The following CPE variants were observed in gnomAD, a reference collection of about 807,000 sequenced individuals.
CPE encodes carboxypeptidase E, also known as carbocypeptidase E.
A neutral mutation model predicts 53.5 loss-of-function variants in CPE; 17 were observed. The observed-to-expected ratio is 0.32, with a 90% confidence interval of 0.22 to 0.48. CPE has a LOEUF of 0.48. Among genes scored for constraint, CPE ranks in the 20% least tolerant of loss-of-function variants. The probability of loss-of-function intolerance (pLI) is 0.99; values close to 1 mark genes in which losing one functional copy is unlikely to be tolerated. For synonymous variants in CPE, 226 were observed against 228.8 expected (o/e 0.99, Z 0.11); for missense variants, 524 against 614.7 (o/e 0.85, Z 1.56).
chr4:165,423,231 T>A (rs1462513224), intron 1 of CPE, among the ~76,000 whole-genome samples: 1 of 152,162 alleles, frequency 6.6e-6, no homozygotes, highest in African/African-American at 2.4e-5. Flanking sequence ...TTTTTTATCT[T>A]AGTAGCTATC....
At chr4:165,449,561 A>G (rs1731773621) in intron 1 of CPE, among the ~76,000 whole-genome samples, 1 of 152,142 alleles carries the variant, frequency 6.6e-6, no homozygotes, top group Admixed American at 6.6e-5. Flanking sequence ...TTGAAGAGAG[A>G]GTAACAGACC....
chr4:165,394,462 G>T (rs1730732312), intron 1 of CPE, among the ~76,000 whole-genome samples: 1 of 152,146 alleles, frequency 6.6e-6, no homozygotes, highest in Admixed American at 6.5e-5. Context: ...TCTGGGAAGG[G>T]TGTTGTGGTG....
intron 1 of CPE, among the ~76,000 whole-genome samples, chr4:165,403,273 C>G (rs1035220415): frequency 3.9e-5 from 6 of 151,944 alleles, no homozygotes; most frequent in Non-Finnish European, 5.9e-5. Flanking sequence ...TCATTGAAAC[C>G]AGGAAAGGCT....
chr4:165,479,835 C>CA (rs1442371733), intron 3 of CPE, among the ~76,000 whole-genome samples: 3 of 151,638 alleles, frequency 2.0e-5, no homozygotes, highest in African/African-American at 4.8e-5. Context: ...ACTAAAAATA[C>CA]AAAAAAATTA....
intron 1 of CPE, chr4:165,405,374 A>G (rs1730936376): frequency 1.1e-5 from 14 of 1,295,612 alleles, no homozygotes; most frequent in Non-Finnish European, 1.5e-5. Flanking sequence ...GGTCATTGCA[A>G]GCTCTCCGAA....
In CPE at chr4:165,495,657, C is replaced by A; in HGVS notation, c.1312C>A (p.Pro438Thr). The A allele has an allele frequency of 6.2e-7, 1 of 1,610,080 alleles. No homozygotes were observed. The highest frequency in any genetic ancestry group is 8.5e-7 in the Non-Finnish European group (1 of 1,176,986). ...YLAITKKVAV[P>T]YSPAAGVDFE... is the part of the protein sequence containing the mutation. Reference sequence around the variant, plus strand: ...GGCAATAACAAAGAAAGTGGCAGTTCCTTACAGCCCTGCTGCTGGGGTAAG... The same window carrying A: ...GGCAATAACAAAGAAAGTGGCAGTTACTTACAGCCCTGCTGCTGGGGTAAG... Residue 438 changes from proline to threonine, a missense_variant, in exon 8 of 9, where the codon CCT (proline) becomes ACT (threonine). By Grantham distance (38) the Pro-to-Thr change is conservative (BLOSUM62 -1). Transcript: ENST00000402744.
chr4:165,402,828 AGAC>A (rs1730891232), intron 1 of CPE, among the ~76,000 whole-genome samples: 1 of 152,242 alleles, frequency 6.6e-6, no homozygotes, highest in African/African-American at 2.4e-5. Context: ...TGTCACAAAA[AGAC>A]TTACTCTCCC....
At chr4:165,446,306 C>T (rs1262776390) in intron 1 of CPE, among the ~76,000 whole-genome samples, 2 of 152,140 alleles carry the variant, frequency 1.3e-5, no homozygotes, top group Admixed American at 6.6e-5. Context: ...GAAAATATTT[C>T]CAATACTGCA....
intron 4 of CPE, among the ~76,000 whole-genome samples, chr4:165,484,176 G>A (rs766801248): frequency 3.2e-4 from 48 of 152,000 alleles, no homozygotes; most frequent in Middle Eastern, 3.2e-3. Flanking sequence ...TCCCTGCAAA[G>A]CTTTCAACTC....
chr4:165,464,949 A>G (rs1462553470), intron 2 of CPE, among the ~76,000 whole-genome samples: 1 of 152,196 alleles, frequency 6.6e-6, no homozygotes, highest in Non-Finnish European at 1.5e-5. Flanking sequence ...GAGTAACGCC[A>G]TGGGTGTATG....
At chr4:165,409,987 C>T (rs1731011328) in intron 1 of CPE, among the ~76,000 whole-genome samples, 1 of 152,058 alleles carries the variant, frequency 6.6e-6, no homozygotes, top group Non-Finnish European at 1.5e-5. Flanking sequence ...GTGGCTCATG[C>T]CTGTAATCCC....
intron 1 of CPE, among the ~76,000 whole-genome samples, chr4:165,461,710 C>T (rs1260082503): frequency 6.6e-6 from 1 of 152,172 alleles, no homozygotes; most frequent in Admixed American, 6.5e-5. Flanking sequence ...TTTAGGAATG[C>T]TGACATATTT....
chr4:165,446,059 C>A (rs968623335), intron 1 of CPE, among the ~76,000 whole-genome samples: 61 of 151,888 alleles, frequency 4.0e-4, no homozygotes, highest in African/African-American at 1.4e-3. Flanking sequence ...AAAATGAAAC[C>A]ACAAATTCAC....
intron 1 of CPE, among the ~76,000 whole-genome samples, chr4:165,438,099 C>T (rs1355429607): frequency 6.6e-6 from 1 of 152,106 alleles, no homozygotes; most frequent in Non-Finnish European, 1.5e-5. Flanking sequence ...GGAAGGATAT[C>T]TGTGGATGAA....
At chr4:165,386,791 C>G (rs1267085931) in intron 1 of CPE, among the ~76,000 whole-genome samples, 1 of 152,070 alleles carries the variant, frequency 6.6e-6, no homozygotes, top group South Asian at 2.1e-4. Context: ...AAAATTTTGA[C>G]CTTTAAAAAC....
chr4:165,441,317 A>C, intron 1 of CPE, among the ~76,000 whole-genome samples: 1 of 152,160 alleles, frequency 6.6e-6, no homozygotes, highest in East Asian at 1.9e-4. Flanking sequence ...GCTCCTATAG[A>C]TCCTGAACTC....
At chr4:165,463,319 G>T (rs1322836522) in intron 1 of CPE, among the ~76,000 whole-genome samples, 5 of 152,118 alleles carry the variant, frequency 3.3e-5, no homozygotes, top group African/African-American at 1.2e-4. Flanking sequence ...TAATATTAAA[G>T]AAAATTATAG....
intron 1 of CPE, among the ~76,000 whole-genome samples, chr4:165,396,942 T>A (rs1327970945): frequency 6.6e-6 from 1 of 151,110 alleles, no homozygotes; most frequent in African/African-American, 2.4e-5. Flanking sequence ...GCTCCTGTAG[T>A]CCCAGCTACT....
chr4:165,490,497 G>C (rs937056589), intron 6 of CPE, among the ~76,000 whole-genome samples: 1 of 151,876 alleles, frequency 6.6e-6, no homozygotes. Context: ...GCCGGGCGTG[G>C]TGGCATGTGC....
Sources: allele counts gnomAD v4.1 joint callset (sites outside exome capture counted in the v4.1 genomes callset), GRCh38; gene constraint gnomAD v4.1.1; transcripts MANE v1.5; gene names NCBI Gene and HGNC (gene_info 2026-07-23, HGNC 2026-07-21).